The following MAST4 variants were observed in gnomAD, a reference collection of about 807,000 sequenced individuals.
MAST4 encodes microtubule-associated serine/threonine-protein kinase 4.
A neutral mutation model predicts 162.7 loss-of-function variants in MAST4; 89 were observed. That is an observed-to-expected ratio of 0.55 (90% CI 0.46 to 0.65). The LOEUF is 0.65. Among genes scored for constraint, MAST4 ranks in the 30% least tolerant of loss-of-function variants. The pLI, the probability that MAST4 is intolerant of heterozygous loss-of-function variation, is 0.00. For missense variants in MAST4, 3,153 were observed against 3,374.0 expected, an observed-to-expected ratio of 0.93 and a Z score of 1.62; for synonymous variants, 1,479 against 1,361.1, an observed-to-expected ratio of 1.09 and a Z score of -1.91.
intron 4 of MAST4, among the ~76,000 whole-genome samples, chr5:66,918,905 C>A (rs1764288710): frequency 1.3e-5 from 2 of 152,144 alleles, no homozygotes; most frequent in Admixed American, 1.3e-4. Flanking sequence ...TTGTTCTTGA[C>A]CAGCTTGGCC....
intron 4 of MAST4, among the ~76,000 whole-genome samples, chr5:67,042,473 A>T (rs1192215528): frequency 6.6e-6 from 1 of 152,222 alleles, no homozygotes; most frequent in African/African-American, 2.4e-5. Context: ...AATGAGGAAA[A>T]GAAAAGACAT....
At chr5:66,860,967 A>G (rs1580687277) in intron 3 of MAST4, among the ~76,000 whole-genome samples, 1 of 152,106 alleles carries the variant, frequency 6.6e-6, no homozygotes, top group African/African-American at 2.4e-5. Context: ...AAAATGCAGC[A>G]CCTGAGTCTG....
At chr5:67,020,904 C>G (rs1266669750) in intron 4 of MAST4, among the ~76,000 whole-genome samples, 1 of 152,084 alleles carries the variant, frequency 6.6e-6, no homozygotes, top group Non-Finnish European at 1.5e-5. Flanking sequence ...TACACTGATT[C>G]CCATGGGATG....
At chr5:66,785,023 GA>G (rs1755047451) in intron 2 of MAST4, among the ~76,000 whole-genome samples, 1 of 152,162 alleles carries the variant, frequency 6.6e-6, no homozygotes, top group Non-Finnish European at 1.5e-5. Context: ...AGGTTGCAGT[GA>G]GCCGAGATTG....
intron 16 of MAST4, 94 bp downstream of exon 16, chr5:67,132,045 T>A (rs2090346837): frequency 2.2e-6 from 3 of 1,365,320 alleles, no homozygotes; most frequent in Non-Finnish European, 3.0e-6. Flanking sequence ...TGTACATTTT[T>A]AAATTATTCC....
intron 1 of MAST4, among the ~76,000 whole-genome samples, chr5:66,739,782 C>T (rs1256176172): frequency 6.6e-6 from 1 of 151,170 alleles, no homozygotes; most frequent in Non-Finnish European, 1.5e-5. Flanking sequence ...ACAGAAGACT[C>T]AGCTAAGCAT....
intron 4 of MAST4, chr5:67,001,234 G>A (rs1751260181): frequency 6.6e-6 from 1 of 152,166 alleles, no homozygotes; most frequent in African/African-American, 2.4e-5. Context: ...TTTACCGACT[G>A]CTCTGCCTTC....
chr5:66,681,447 G>T (rs1039524641), intron 1 of MAST4, among the ~76,000 whole-genome samples: 3 of 152,188 alleles, frequency 2.0e-5, no homozygotes, highest in South Asian at 2.1e-4. Context: ...GAGAATGCAG[G>T]TTCCTGGGCC....
intron 3 of MAST4, among the ~76,000 whole-genome samples, chr5:66,815,663 C>A (rs1213103110): frequency 2.0e-5 from 3 of 152,032 alleles, no homozygotes; most frequent in African/African-American, 7.2e-5. Flanking sequence ...TTTTATTTTT[C>A]CCCCTAAAGA....
At chr5:66,617,143 A>G (rs1743746876) in intron 1 of MAST4, among the ~76,000 whole-genome samples, 1 of 152,200 alleles carries the variant, frequency 6.6e-6, no homozygotes, top group Non-Finnish European at 1.5e-5. Flanking sequence ...ACCTTCAAAT[A>G]CAACCAGGAG....
intron 11 of MAST4, among the ~76,000 whole-genome samples, chr5:67,111,693 A>G (rs756004700): frequency 6.6e-6 from 1 of 152,202 alleles, no homozygotes; most frequent in Non-Finnish European, 1.5e-5. Context: ...GGAAAGTGTC[A>G]TTTAGCATTA....
intron 3 of MAST4, among the ~76,000 whole-genome samples, chr5:66,886,189 G>C (rs1762029025): frequency 6.6e-6 from 1 of 152,188 alleles, no homozygotes; most frequent in Non-Finnish European, 1.5e-5. Flanking sequence ...TCCTAAGTAG[G>C]GGTGAGTAGG....
chr5:66,601,341 G>A (rs181303076), intron 1 of MAST4, among the ~76,000 whole-genome samples: 1 of 152,330 alleles, frequency 6.6e-6, no homozygotes, highest in African/African-American at 2.4e-5. Flanking sequence ...TATTGAGTCT[G>A]ACTCTGAGAC....
chr5:66,638,502 A>G (rs1170589908), intron 1 of MAST4, among the ~76,000 whole-genome samples: 2 of 152,196 alleles, frequency 1.3e-5, no homozygotes, highest in Non-Finnish European at 2.9e-5. Context: ...AGATGTTCAA[A>G]TATTTCTATA....
Position 66,632,957 on chromosome 5 carries a change from TGA to T in MAST4, c.363+35940_363+35941del, listed in dbSNP as rs1332660949. On this transcript the variant is annotated intron_variant, in intron 1 of 28. Transcript: ENST00000403625. ...CATGTAAATTTAGTGCAAATGAGTT[TGA>T]ATTTTTTTTCATTAATTAACCAGTA... Among the ~76,000 whole-genome samples the T allele has an allele frequency of 2.0e-5, 3 of 152,324 alleles. No individual in the cohort carries two copies. The East Asian group carries it at 5.8e-4, about 29-fold the overall frequency.
At chr5:66,768,850 G>A (rs1015949029) in intron 2 of MAST4, among the ~76,000 whole-genome samples, 2 of 151,994 alleles carry the variant, frequency 1.3e-5, no homozygotes, top group African/African-American at 4.8e-5. Context: ...ATATCAAAAT[G>A]AGATAATTTT....
intron 1 of MAST4, among the ~76,000 whole-genome samples, chr5:66,634,635 A>T (rs550959078): frequency 6.6e-6 from 1 of 152,322 alleles, no homozygotes; most frequent in Admixed American, 6.5e-5. Context: ...TTTGGGACAC[A>T]TTAGGGAGCA....
intron 2 of MAST4, among the ~76,000 whole-genome samples, chr5:66,778,013 C>A (rs60118145): frequency 6.6e-6 from 1 of 152,104 alleles, no homozygotes; most frequent in Non-Finnish European, 1.5e-5. Flanking sequence ...TTTCAGTATG[C>A]GAATTGAGGG....
intron 4 of MAST4, among the ~76,000 whole-genome samples, chr5:67,047,032 T>G (rs1757460142): frequency 6.6e-6 from 1 of 152,170 alleles, no homozygotes; most frequent in Non-Finnish European, 1.5e-5. Context: ...TTCTCCAAGT[T>G]TTTTGAGGCT....
Sources: gnomAD v4.1 joint callset for allele counts (sites outside exome capture counted in the v4.1 genomes callset) on GRCh38, gnomAD v4.1.1 for gene constraint, MANE v1.5 for transcripts, NCBI Gene and HGNC (gene_info 2026-07-23, HGNC 2026-07-21) for gene names.